The following MYO16 variants were observed in gnomAD, a reference collection of about 807,000 sequenced individuals.
The protein encoded by MYO16 is myosin XVI.
Under a neutral mutation model 205.3 loss-of-function variants are expected in MYO16, and 94 were observed. The observed-to-expected ratio is 0.46, with a 90% CI of 0.39 to 0.54. The LOEUF (loss-of-function observed/expected upper bound fraction) is 0.54. MYO16 is among the 20% of genes least tolerant of loss of function. The pLI, the probability that MYO16 is intolerant of heterozygous loss-of-function variation, is 0.00. For synonymous variants in MYO16, 988 were observed against 954.0 expected, an observed-to-expected ratio of 1.04 and a Z score of -0.66; for missense variants, 2,315 against 2,387.5, an observed-to-expected ratio of 0.97 and a Z score of 0.63.
intron 12 of MYO16, among the ~76,000 whole-genome samples, chr13:108,877,370 C>T (rs1160016790): frequency 1.3e-5 from 2 of 152,206 alleles, no homozygotes; most frequent in African/African-American, 4.8e-5. Flanking sequence ...CTGCCACCAA[C>T]TAGCCCTGTC....
intron 16 of MYO16, among the ~76,000 whole-genome samples, chr13:108,950,242 C>A (rs972796018): frequency 8.1e-6 from 1 of 123,716 alleles, no homozygotes; most frequent in Non-Finnish European, 1.7e-5. Context: ...TTAAAAATAT[C>A]AGACAAGGTT....
At chr13:109,032,702 A>G (rs561946617) in intron 23 of MYO16, among the ~76,000 whole-genome samples, 9 of 152,282 alleles carry the variant, frequency 5.9e-5, no homozygotes, top group African/African-American at 1.4e-4. Context: ...ATCAAATACC[A>G]CTACTGACAG....
At chr13:108,547,038 C>T in the MYO16 span, among the ~76,000 whole-genome samples, 5 of 152,008 alleles carry the variant, frequency 3.3e-5, no homozygotes, top group East Asian at 3.9e-4. Flanking sequence ...TTTGGGAGGC[C>T]GACGTGGGTG....
chr13:108,522,394 G>A, the MYO16 span, among the ~76,000 whole-genome samples: 14 of 152,008 alleles, frequency 9.2e-5, no homozygotes, highest in Non-Finnish European at 1.6e-4. Context: ...GTATTTCAGC[G>A]AAGAGTCCAG....
chr13:109,128,953 G>A (rs2139779221), intron 31 of MYO16, among the ~76,000 whole-genome samples: 1 of 151,684 alleles, frequency 6.6e-6, no homozygotes, highest in Admixed American at 6.6e-5. Context: ...TGTATTTTTA[G>A]TAGAGACAGG....
intron 25 of MYO16, among the ~76,000 whole-genome samples, chr13:109,053,681 G>A (rs1183886627): frequency 6.6e-6 from 1 of 152,086 alleles, no homozygotes; most frequent in African/African-American, 2.4e-5. Context: ...GAACTGGAGT[G>A]TTCCATTTCA....
At chr13:108,838,371 A>G (rs1270590250) in intron 9 of MYO16, among the ~76,000 whole-genome samples, 2 of 152,038 alleles carry the variant, frequency 1.3e-5, no homozygotes, top group Non-Finnish European at 1.5e-5. Flanking sequence ...AAAATAGGGA[A>G]AGGCCATGAA....
chr13:108,662,803 T>C lies in MYO16; in HGVS notation c.29-3083T>C, dbSNP rs566932309. On this transcript the variant is annotated intron_variant, in intron 1 of 34. Transcript: ENST00000457511. ...GTTCTGGCCAGGATGCTTCTCATCC[T>C]GTTAAAAAATGTTACAAAGTTCAGC... Among the ~76,000 whole-genome samples, 8 of 152,286 alleles carry C rather than the reference T, an allele frequency of 5.3e-5. No individual in the cohort carries two copies. The South Asian group carries it at 1.7e-3, about 32-fold the overall frequency.
chr13:108,773,272 G>A lies in MYO16; in HGVS notation c.508-12363G>A, dbSNP rs148563612. Among the ~76,000 whole-genome samples the A allele has an allele frequency of 5.6e-4, 85 of 152,244 alleles. 1 individual carries two copies. The South Asian group carries it at 9.1e-3, about 16-fold the overall frequency. On this transcript the variant is annotated intron_variant, in intron 4 of 34. Coordinates refer to ENST00000457511, the MANE Select transcript of MYO16 (RefSeq NM_001198950.3). ...CTCTATACATGTAAACATATAGTCC[G>A]TTGTATTAGATAAAGAGTATTGTGA...
rs1328320041 is a variant in MYO16 at position 108,644,407 on chromosome 13, TC to T, written c.28+14536del. Among the ~76,000 whole-genome samples, 947 of 145,430 alleles carry T rather than the reference TC, an allele frequency of 6.5e-3. 14 individuals carry two copies. The highest frequency in any genetic ancestry group is 0.023 in the African/African-American group (898 of 39,736). ...ATCTATCTATCTATCTATCTATCTA[TC>T]TATCTATCATCTGTTTAAATTACTG... On this transcript the variant is annotated intron_variant, in intron 1 of 34. Transcript: ENST00000457511.
At chr13:108,551,112 A>G in the MYO16 span, among the ~76,000 whole-genome samples, 2 of 152,154 alleles carry the variant, frequency 1.3e-5, no homozygotes, top group East Asian at 3.9e-4. Context: ...TTTCTTAAAT[A>G]GGGGGGTTCT....
chr13:108,917,830 G>A (rs994412280), intron 16 of MYO16, among the ~76,000 whole-genome samples: 3 of 152,218 alleles, frequency 2.0e-5, no homozygotes, highest in Non-Finnish European at 4.4e-5. Context: ...TTTGGCTGCT[G>A]TGTTGGTTTT....
chr13:108,622,393 G>C (rs543622008), intron 1 of MYO16, among the ~76,000 whole-genome samples: 1 of 152,082 alleles, frequency 6.6e-6, no homozygotes, highest in Non-Finnish European at 1.5e-5. Flanking sequence ...CTGACCTTTA[G>C]GGAGTGACAG....
chr13:108,693,322 T>A (rs955956956), intron 2 of MYO16, among the ~76,000 whole-genome samples: 22 of 152,190 alleles, frequency 1.4e-4, no homozygotes, highest in African/African-American at 5.3e-4. Flanking sequence ...CCATCACCAC[T>A]ATCTGGCCCC....
intron 23 of MYO16, among the ~76,000 whole-genome samples, chr13:109,044,563 A>G (rs1886980183): frequency 6.6e-6 from 1 of 152,178 alleles, no homozygotes; most frequent in Admixed American, 6.5e-5. Context: ...CATACCTGTT[A>G]TATAGTATGC....
At chr13:109,058,564 C>A (rs577269835) in intron 27 of MYO16, among the ~76,000 whole-genome samples, 1 of 152,202 alleles carries the variant, frequency 6.6e-6, no homozygotes, top group South Asian at 2.1e-4. Flanking sequence ...CAATATGATA[C>A]CTTAATTTTA....
intron 16 of MYO16, among the ~76,000 whole-genome samples, chr13:108,926,563 A>C: frequency 6.6e-6 from 1 of 152,140 alleles, no homozygotes; most frequent in Non-Finnish European, 1.5e-5. Flanking sequence ...AAACGAACAC[A>C]CAGGACTCTC....
intron 16 of MYO16, among the ~76,000 whole-genome samples, chr13:108,916,226 A>C (rs60469701): frequency 0.027 from 4,056 of 152,248 alleles, 242 homozygotes; most frequent in East Asian, 0.17. Flanking sequence ...AGCACAGTTC[A>C]TGGGGCACTT....
intron 6 of MYO16, among the ~76,000 whole-genome samples, chr13:108,799,143 T>A (rs1303578727): frequency 1.3e-5 from 2 of 152,234 alleles, no homozygotes; most frequent in Admixed American, 6.5e-5. Context: ...ATTGATTTTA[T>A]GGTCATTTTT....
Sources: allele counts gnomAD v4.1 joint callset (sites outside exome capture counted in the v4.1 genomes callset), GRCh38; gene constraint gnomAD v4.1.1; transcripts MANE v1.5; gene names NCBI Gene and HGNC (gene_info 2026-07-23, HGNC 2026-07-21).